Variants in TBL1X observed in about 807,000 individuals in gnomAD.
TBL1X encodes the protein F-box-like/WD repeat-containing protein TBL1X.
A neutral mutation model predicts 50.7 loss-of-function variants in TBL1X; 10 were observed. The ratio of observed to expected loss-of-function variants is 0.20; its 90% CI spans 0.12 to 0.33. The LOEUF is 0.33. Among genes scored for constraint, TBL1X ranks in the 10% least tolerant of loss-of-function variants. The pLI, the probability that TBL1X is intolerant of heterozygous loss-of-function variation, is 1.00. For missense variants in TBL1X, 340 were observed against 504.4 expected (o/e 0.67, Z 3.12); for synonymous variants, 190 against 214.7 (o/e 0.88, Z 1.01).
intron 1 of TBL1X, among the ~76,000 whole-genome samples, chrX:9,483,037 T>C (rs377432133): frequency 9.0e-6 from 1 of 110,962 alleles, no homozygotes; most frequent in Non-Finnish European, 1.9e-5. Flanking sequence ...TTGGTTGTTA[T>C]AAATGAGGAA....
chrX:9,693,444 C>G, intron 11 of TBL1X, 25 bp downstream of exon 11: 1 of 1,153,601 alleles, frequency 8.7e-7, no homozygotes. Flanking sequence ...AAAATACATC[C>G]CTTTGATCTA....
intron 2 of TBL1X, among the ~76,000 whole-genome samples, chrX:9,571,258 C>A (rs2082385119): frequency 1.8e-5 from 2 of 111,455 alleles, no homozygotes; most frequent in Admixed American, 1.9e-4. Context: ...GGTGGAGGGG[C>A]AAGCAGAGAG....
intron 2 of TBL1X, among the ~76,000 whole-genome samples, chrX:9,518,358 G>A (rs745918293): frequency 8.9e-6 from 1 of 111,754 alleles, no homozygotes; most frequent in Non-Finnish European, 1.9e-5. Context: ...TACCATCTTG[G>A]TGGTGTGACT....
At chrX:9,671,374 C>T (rs2082959508) in intron 5 of TBL1X, among the ~76,000 whole-genome samples, 1 of 112,505 alleles carries the variant, frequency 8.9e-6, no homozygotes, top group Admixed American at 9.3e-5. Flanking sequence ...CCTTGGCGCT[C>T]AGGGTTTTTA....
At chrX:9,559,361 A>AG (rs1482118151) in intron 2 of TBL1X, among the ~76,000 whole-genome samples, 1 of 111,243 alleles carries the variant, frequency 9.0e-6, no homozygotes, top group Non-Finnish European at 1.9e-5. Context: ...GAAGTGTTGC[A>AG]GTGGATGATG....
intron 5 of TBL1X, among the ~76,000 whole-genome samples, chrX:9,663,018 G>A (rs780362541): frequency 3.6e-5 from 4 of 111,297 alleles, no homozygotes; most frequent in South Asian, 3.8e-4. Context: ...ATTTTACCAC[G>A]ATTTTAGGGG....
chrX:9,562,113 G>A (rs1053367548), intron 2 of TBL1X, among the ~76,000 whole-genome samples: 1 of 112,051 alleles, frequency 8.9e-6, no homozygotes, highest in African/African-American at 3.2e-5. Flanking sequence ...CTCAAGATGC[G>A]CTATGTCATC....
rs1246646138 is a variant in TBL1X at position 9,635,219 on chromosome X, G to C, written c.-130-5054G>C. Among the ~76,000 whole-genome samples, 4 of 110,839 alleles carry C rather than the reference G, an allele frequency of 3.6e-5. No homozygotes were observed. In the Admixed American group the frequency reaches 3.8e-4, roughly 11 times the overall value. Reference sequence around the variant, plus strand: ...GATTCTGTTTTATCAAGAGATGCCAGTAGCACCTCCACTTCCAGTTGGGAC... The same window carrying C: ...GATTCTGTTTTATCAAGAGATGCCACTAGCACCTCCACTTCCAGTTGGGAC... On this transcript the variant is annotated intron_variant, in intron 2 of 17. Transcript: ENST00000645353.
intron 2 of TBL1X, among the ~76,000 whole-genome samples, chrX:9,509,114 G>A (rs1186430816): frequency 2.8e-5 from 3 of 107,911 alleles, no homozygotes; most frequent in East Asian, 2.9e-4. Flanking sequence ...AAAGCCGGGT[G>A]CGGTGGCTCA....
At chrX:9,504,928 C>A (rs888978048) in intron 2 of TBL1X, among the ~76,000 whole-genome samples, 1 of 111,732 alleles carries the variant, frequency 8.9e-6, no homozygotes, top group Non-Finnish European at 1.9e-5. Context: ...ACTACCAAGA[C>A]AGGCCAACCT....
chrX:9,678,206 G>A (rs1268742947), intron 5 of TBL1X, among the ~76,000 whole-genome samples: 1 of 111,679 alleles, frequency 9.0e-6, no homozygotes, highest in Admixed American at 9.6e-5. Flanking sequence ...TGATTTGGTG[G>A]ACGCAGAACT....
intron 13 of TBL1X, among the ~76,000 whole-genome samples, chrX:9,708,644 G>A (rs2083224754): frequency 1.9e-5 from 2 of 107,515 alleles, no homozygotes; most frequent in South Asian, 8.5e-4. Context: ...CACTTTGGGA[G>A]GTCGAGGTGG....
chrX:9,550,862 C>T (rs2082267361), intron 2 of TBL1X, among the ~76,000 whole-genome samples: 1 of 111,028 alleles, frequency 9.0e-6, no homozygotes, highest in Admixed American at 9.6e-5. Flanking sequence ...CGTCTGGAGA[C>T]ATTTTTGGTT....
intron 16 of TBL1X, among the ~76,000 whole-genome samples, chrX:9,714,031 T>C (rs12010261): frequency 0.019 from 2,143 of 110,881 alleles, 64 homozygotes; most frequent in African/African-American, 0.067. Flanking sequence ...CCCAGGCTAG[T>C]CTTGAACTCT....
intron 2 of TBL1X, among the ~76,000 whole-genome samples, chrX:9,631,211 G>A (rs2082719945): frequency 2.7e-5 from 3 of 111,185 alleles, no homozygotes; most frequent in African/African-American, 6.6e-5. Flanking sequence ...GTCATGGGGG[G>A]TTTGTTGTAC....
At chrX:9,631,226 T>G (rs928429540) in intron 2 of TBL1X, among the ~76,000 whole-genome samples, 1 of 111,484 alleles carries the variant, frequency 9.0e-6, no homozygotes, top group African/African-American at 3.3e-5. Context: ...TTGTACAGAT[T>G]ATTTTGTCAC....
At chrX:9,531,354 GGT>G (rs57905343) in intron 2 of TBL1X, among the ~76,000 whole-genome samples, 6,468 of 75,035 alleles carry the variant, frequency 0.086, 189 homozygotes, top group Middle Eastern at 0.11. Context: ...GAACCTGGAG[GGT>G]GTGTGTGTGT....
intron 2 of TBL1X, among the ~76,000 whole-genome samples, chrX:9,578,898 C>T (rs1480759078): frequency 8.9e-6 from 1 of 111,912 alleles, no homozygotes; most frequent in Non-Finnish European, 1.9e-5. Context: ...CTTAATAAGA[C>T]AGTTATTCAA....
intron 2 of TBL1X, among the ~76,000 whole-genome samples, chrX:9,507,036 A>T (rs1483458558): frequency 1.8e-5 from 2 of 112,156 alleles, no homozygotes; most frequent in Non-Finnish European, 3.8e-5. Flanking sequence ...GGTACAAAAC[A>T]AGGATGCCCT....
Sources: allele counts gnomAD v4.1 joint callset (sites outside exome capture counted in the v4.1 genomes callset), GRCh38; gene constraint gnomAD v4.1.1; transcripts MANE v1.5; gene names NCBI Gene and HGNC (gene_info 2026-07-23, HGNC 2026-07-21).